The following HEPH variants were observed in gnomAD, a reference collection of about 807,000 sequenced individuals.
HEPH encodes the protein hephaestin.
Under a neutral mutation model 80.8 loss-of-function variants are expected in HEPH, and 69 were observed. The observed-to-expected ratio is 0.85, with a 90% CI of 0.70 to 1.04. The LOEUF is 1.04. HEPH is among the 50% of genes least tolerant of loss of function. The pLI, the probability that HEPH is intolerant of heterozygous loss-of-function variation, is 0.00. For synonymous variants in HEPH, 431 were observed against 322.8 expected, an observed-to-expected ratio of 1.34 and a Z score of -3.60; for missense variants, 1,115 against 891.3, an observed-to-expected ratio of 1.25 and a Z score of -3.20.
At chrX:66,265,697 A>G (rs1199445584) in intron 20 of HEPH, among the ~76,000 whole-genome samples, 1 of 111,951 alleles carries the variant, frequency 8.9e-6, no homozygotes, top group African/African-American at 3.2e-5. Context: ...GTGTGTTCAG[A>G]CAAAGGGATT....
At chrX:66,228,867 TA>T (rs777837979) in intron 15 of HEPH, among the ~76,000 whole-genome samples, 1,867 of 110,355 alleles carry the variant, frequency 0.017, 34 homozygotes, top group African/African-American at 0.059. Context: ...GTCAAAAAAA[TA>T]AAAAAAAGTA....
At chrX:66,231,568 GCTCT>G (rs1413785748) in intron 15 of HEPH, among the ~76,000 whole-genome samples, 1 of 109,407 alleles carries the variant, frequency 9.1e-6, no homozygotes, top group Admixed American at 9.8e-5. Context: ...TCATGATTTG[GCTCT>G]CTGTTTGTCT....
chrX:66,260,004 C>T, intron 18 of HEPH, 96 bp from the exon 19 acceptor site: 1 of 714,497 alleles, frequency 1.4e-6, no homozygotes, highest in Non-Finnish European at 2.2e-6. Flanking sequence ...GTCTCAGCTC[C>T]CTAATGTGGA....
chrX:66,175,925 A>G (rs1367544662), intron 4 of HEPH, among the ~76,000 whole-genome samples: 2 of 111,476 alleles, frequency 1.8e-5, no homozygotes, highest in African/African-American at 6.5e-5. Context: ...AGGAGTCTTT[A>G]GGGTTTTCAA....
At chrX:66,190,027 A>G in intron 6 of HEPH, 89 bp downstream of exon 6, 1 of 951,942 alleles carries the variant, frequency 1.1e-6, no homozygotes, top group East Asian at 3.4e-5. Flanking sequence ...GAAGCCATAA[A>G]TAAGTCCTCC....
chrX:66,202,936 T>TAC (rs2088542491), intron 12 of HEPH, among the ~76,000 whole-genome samples: 1 of 101,876 alleles, frequency 9.8e-6, no homozygotes, highest in East Asian at 3.0e-4. Context: ...TATATATATA[T>TAC]ATACACACAC....
rs1404353352 is a variant in HEPH at position 66,164,441 on chromosome X, A to G, written c.-43A>G. On this transcript the variant is annotated 5_prime_UTR_variant, in exon 1 of 21. The change abolishes an upstream ATG in the 5' untranslated region. Transcript: ENST00000343002. ...AGTGCAGCATTAATGGGCCGCTGAC[A>G]TGAATATGGAGTAGTTTTCTCTAGC... The G allele has an allele frequency of 1.3e-6, 1 of 753,605 alleles. No homozygotes were observed. Among genetic ancestry groups the G allele is most frequent in the Non-Finnish European group, 1.6e-6 (1 of 638,790 alleles). The allele number at this position is 753,605 out of a possible 1,213,427, so 62.1% of individuals were successfully genotyped here.
intron 11 of HEPH, 36 bp downstream of exon 11, chrX:66,199,064 G>A: frequency 1.7e-6 from 2 of 1,166,285 alleles, no homozygotes; most frequent in Non-Finnish European, 2.3e-6. Context: ...CTAAATTGAG[G>A]GTCCCAAGTA....
intron 13 of HEPH, among the ~76,000 whole-genome samples, chrX:66,206,753 T>C (rs1464080771): frequency 9.1e-6 from 1 of 110,259 alleles, no homozygotes; most frequent in African/African-American, 3.3e-5. Context: ...TGGTGGCTCA[T>C]GCCTGTAATC....
At chrX:66,233,267 C>A (rs1274967968) in intron 15 of HEPH, among the ~76,000 whole-genome samples, 3 of 111,248 alleles carry the variant, frequency 2.7e-5, no homozygotes, top group African/African-American at 6.5e-5. Flanking sequence ...CTGCAAAATC[C>A]CACCAGGTAT....
Position 66,189,647 on chromosome X carries a change from C to T in HEPH, c.809-37C>T, listed in dbSNP as rs747231801. The T allele has an allele frequency of 1.0e-5, 12 of 1,193,277 alleles. No individual in the cohort carries two copies. In the East Asian group the frequency reaches 2.7e-4, roughly 27 times the overall value. ...GGCTTCTTCCATTTGGCTGTCCTTTCCTAATCCTGATATTTTCTTTGGGTT... is the reference window on the plus strand; with the variant it reads ...GGCTTCTTCCATTTGGCTGTCCTTTTCTAATCCTGATATTTTCTTTGGGTT... On this transcript the variant is annotated intron_variant, in intron 5 of 20. Transcript: ENST00000343002.
intron 9 of HEPH, among the ~76,000 whole-genome samples, chrX:66,197,089 T>C (rs2088142864): frequency 9.0e-6 from 1 of 110,887 alleles, no homozygotes; most frequent in South Asian, 3.8e-4. Context: ...ATTGTACTTC[T>C]TTGATTACTG....
intron 15 of HEPH, among the ~76,000 whole-genome samples, chrX:66,210,118 G>A (rs1394290810): frequency 9.0e-6 from 1 of 111,517 alleles, no homozygotes; most frequent in Non-Finnish European, 1.9e-5. Context: ...ATTGAAATGT[G>A]AGCCTGAGAA....
At chrX:66,216,566 A>G (rs1007636083) in intron 15 of HEPH, among the ~76,000 whole-genome samples, 2 of 112,101 alleles carry the variant, frequency 1.8e-5, no homozygotes, top group African/African-American at 6.5e-5. Flanking sequence ...AATAATTTGA[A>G]CAGCAGCCTC....
At position 66,234,349 on chromosome X, in the gene HEPH, T is replaced by G. The variant is rs140595267; in HGVS notation, c.2564-20686T>G. On this transcript the variant is annotated intron_variant, in intron 15 of 20. Coordinates refer to ENST00000343002, the MANE Select transcript of HEPH (RefSeq NM_001367233.3). ...GGGCATTTCAGATGACTCTGTGTCT[T>G]TCCTATTGCGAATAGTGCTGCAATG... 4.9e-3 allele frequency among the ~76,000 whole-genome samples: 547 copies of G among 111,959 alleles called. 3 individuals carry two copies. The highest frequency in any genetic ancestry group is 0.016 in the African/African-American group (481 of 30,832).
chrX:66,242,624 G>A (rs1235089249), intron 15 of HEPH, among the ~76,000 whole-genome samples: 1 of 111,685 alleles, frequency 9.0e-6, no homozygotes, highest in Admixed American at 9.5e-5. Context: ...TCCAACAAAG[G>A]TCTAATATCC....
chrX:66,231,502 A>G (rs1476605461), intron 15 of HEPH, among the ~76,000 whole-genome samples: 1 of 109,663 alleles, frequency 9.1e-6, no homozygotes, highest in African/African-American at 3.3e-5. Flanking sequence ...CATCCCTTGT[A>G]TGTTGGATTC....
chrX:66,232,263 G>T (rs1016830516), intron 15 of HEPH, among the ~76,000 whole-genome samples: 10 of 110,916 alleles, frequency 9.0e-5, no homozygotes, highest in African/African-American at 3.3e-4. Context: ...TCTCTGCCCG[G>T]CTTTGGTATC....
intron 4 of HEPH, among the ~76,000 whole-genome samples, chrX:66,174,492 G>A (rs1203726866): frequency 1.8e-5 from 2 of 111,738 alleles, no homozygotes; most frequent in African/African-American, 3.3e-5. Flanking sequence ...TATCTTTTTT[G>A]TATAATGACT....
Sources: allele counts gnomAD v4.1 joint callset (sites outside exome capture counted in the v4.1 genomes callset), GRCh38; gene constraint gnomAD v4.1.1; transcripts MANE v1.5; gene names NCBI Gene and HGNC (gene_info 2026-07-23, HGNC 2026-07-21).